Variants in MSRB3 observed in about 807,000 individuals in gnomAD.
MSRB3 encodes the protein methionine-R-sulfoxide reductase B3.
MSRB3 carries 13 observed loss-of-function variants against 21.0 expected under a neutral mutation model. The ratio of observed to expected loss-of-function variants is 0.62; its 90% CI spans 0.40 to 0.98. The LOEUF (loss-of-function observed/expected upper bound fraction) is 0.98, where lower values mean the gene tolerates loss of function less well. MSRB3 is among the 50% of genes least tolerant of loss of function. MSRB3 has a pLI of 0.00. For missense variants in MSRB3, 199 were observed against 230.3 expected, an observed-to-expected ratio of 0.86 and a Z score of 0.88; for synonymous variants, 87 against 88.6, an observed-to-expected ratio of 0.98 and a Z score of 0.10.
chr12:65,346,701 G>C (rs972703648), intron 4 of MSRB3, among the ~76,000 whole-genome samples: 3 of 152,108 alleles, frequency 2.0e-5, no homozygotes, highest in Non-Finnish European at 4.4e-5. Flanking sequence ...TTTTCTTCTA[G>C]GGTTTTTATG....
intron 2 of MSRB3, among the ~76,000 whole-genome samples, chr12:65,312,031 A>C (rs1279871683): frequency 6.6e-6 from 1 of 151,986 alleles, no homozygotes; most frequent in Non-Finnish European, 1.5e-5. Flanking sequence ...TTCTTACAAC[A>C]GTTTCCTTAA....
At position 65,463,328 on chromosome 12, in the gene MSRB3, T is replaced by C. The variant is rs1883419373; in HGVS notation, c.*6T>C. 1 of 1,614,120 alleles carries C rather than the reference T, an allele frequency of 6.2e-7. No individual in the cohort carries two copies. Among genetic ancestry groups the C allele is most frequent in the Non-Finnish European group, 8.5e-7 (1 of 1,180,010 alleles). On this transcript the variant is annotated 3_prime_UTR_variant, in exon 7 of 7. Coordinates refer to ENST00000308259, the MANE Select transcript of MSRB3 (RefSeq NM_001031679.3). Reference sequence around the variant, plus strand: ...CAGACAAAGCGGAGCTCTAGAGTAATGGAGAGTGATGGAAACAAAGTGTAC... The same window carrying C: ...CAGACAAAGCGGAGCTCTAGAGTAACGGAGAGTGATGGAAACAAAGTGTAC...
Position 65,465,054 on chromosome 12 carries a change from C to T in MSRB3, c.*1732C>T, listed in dbSNP as rs1390834896. 1 of 152,118 alleles carries T rather than the reference C, an allele frequency of 6.6e-6. No homozygotes were observed. Among genetic ancestry groups the T allele is most frequent in the Non-Finnish European group, 1.5e-5 (1 of 68,032 alleles). 9.4% of individuals were successfully genotyped at this position (152,118 alleles called of 1,614,324 possible). A position where few individuals can be genotyped will look rare whatever the true frequency, so the allele number is the denominator to read the frequency against. On this transcript the variant is annotated 3_prime_UTR_variant, in exon 7 of 7. Transcript: ENST00000308259. ...GTTCTAATTGCCTCAAAGGCCAAAG[C>T]CCAGGCATTTGAAATGGAAAGAAGC...
At chr12:65,454,472 T>C (rs1369516798) in intron 6 of MSRB3, among the ~76,000 whole-genome samples, 1 of 152,194 alleles carries the variant, frequency 6.6e-6, no homozygotes, top group Non-Finnish European at 1.5e-5. Context: ...AATAACCTGA[T>C]ATTTTGATAA....
chr12:65,453,270 A>T (rs1041382882), intron 5 of MSRB3, among the ~76,000 whole-genome samples: 1 of 152,320 alleles, frequency 6.6e-6, no homozygotes, highest in East Asian at 1.9e-4. Context: ...TAACTATCCA[A>T]ACTAGGTACT....
At position 65,294,062 on chromosome 12, in the gene MSRB3, G is replaced by A. The variant is rs776923623; in HGVS notation, c.-51-14467G>A. Among the ~76,000 whole-genome samples, 17 of 152,174 alleles carry A rather than the reference G, an allele frequency of 1.1e-4. 1 individual carries two copies. The highest frequency in any genetic ancestry group is 1.9e-4 in the Non-Finnish European group (13 of 68,030). ...TTTTTTCTGATTGGAGTGCTATCCA[G>A]GAATTCCAGGCAGTGCCCCCAGTAT... On this transcript the variant is annotated intron_variant, in intron 1 of 6. Transcript: ENST00000308259.
At chr12:65,402,111 G>A (rs1880159847) in intron 5 of MSRB3, among the ~76,000 whole-genome samples, 1 of 152,126 alleles carries the variant, frequency 6.6e-6, no homozygotes, top group Non-Finnish European at 1.5e-5. Flanking sequence ...TTCTCAAGGA[G>A]TATCTTTGTG....
chr12:65,358,570 T>C (rs899555805), intron 4 of MSRB3, among the ~76,000 whole-genome samples: 1 of 151,936 alleles, frequency 6.6e-6, no homozygotes, highest in Non-Finnish European at 1.5e-5. Context: ...TGTTTTTGAG[T>C]GCCTCTTACT....
chr12:65,313,790 G>A (rs538091198), intron 2 of MSRB3, among the ~76,000 whole-genome samples: 1 of 152,002 alleles, frequency 6.6e-6, no homozygotes, highest in Non-Finnish European at 1.5e-5. Context: ...ATATTAAAAT[G>A]CCGAGGAGAG....
chr12:65,375,141 G>A (rs1463239611), intron 5 of MSRB3, among the ~76,000 whole-genome samples: 6 of 151,732 alleles, frequency 4.0e-5, no homozygotes, highest in East Asian at 3.9e-4. Context: ...CACCGCGCCC[G>A]GCCTATATCA....
intron 2 of MSRB3, among the ~76,000 whole-genome samples, chr12:65,318,129 G>T (rs1221725328): frequency 6.6e-6 from 1 of 151,998 alleles, no homozygotes. Context: ...GATTTTTCTG[G>T]AATATATAGA....
At chr12:65,318,930 G>A (rs1031563748) in intron 2 of MSRB3, among the ~76,000 whole-genome samples, 4 of 152,082 alleles carry the variant, frequency 2.6e-5, no homozygotes, top group African/African-American at 9.7e-5. Flanking sequence ...AGATAGAAAA[G>A]TAAAATGTGG....
At chr12:65,428,083 G>A (rs1212641460) in intron 5 of MSRB3, among the ~76,000 whole-genome samples, 1 of 152,152 alleles carries the variant, frequency 6.6e-6, no homozygotes, top group Non-Finnish European at 1.5e-5. Context: ...GGGTTGGTGA[G>A]GTGTGTGTAG....
At chr12:65,326,516 G>A (rs912216326) in intron 2 of MSRB3, among the ~76,000 whole-genome samples, 1 of 151,924 alleles carries the variant, frequency 6.6e-6, no homozygotes, top group African/African-American at 2.4e-5. Context: ...GAAAAAAAAA[G>A]GGTTTCAGGA....
chr12:65,436,107 G>T (rs1275580859), intron 5 of MSRB3, among the ~76,000 whole-genome samples: 1 of 151,622 alleles, frequency 6.6e-6, no homozygotes, highest in African/African-American at 2.4e-5. Context: ...CTTAACCTGG[G>T]GTCCTTGAAT....
intron 5 of MSRB3, among the ~76,000 whole-genome samples, chr12:65,437,554 G>A (rs1008649993): frequency 2.6e-5 from 4 of 151,714 alleles, no homozygotes; most frequent in African/African-American, 9.7e-5. Flanking sequence ...AGTGAGTCCT[G>A]CAGTGAGACA....
chr12:65,325,692 C>G (rs773113994), intron 2 of MSRB3, among the ~76,000 whole-genome samples: 10 of 152,102 alleles, frequency 6.6e-5, no homozygotes, highest in Non-Finnish European at 1.3e-4. Context: ...AAAGAAGTTG[C>G]GTTTAGTATT....
intron 4 of MSRB3, among the ~76,000 whole-genome samples, chr12:65,364,943 T>A (rs1200446588): frequency 2.6e-5 from 4 of 152,230 alleles, no homozygotes; most frequent in South Asian, 2.1e-4. Flanking sequence ...CAGATTTTTT[T>A]AAATTGATAC....
intron 4 of MSRB3, among the ~76,000 whole-genome samples, chr12:65,358,574 T>C (rs1397710377): frequency 6.6e-6 from 1 of 151,922 alleles, no homozygotes; most frequent in Non-Finnish European, 1.5e-5. Context: ...TTTGAGTGCC[T>C]CTTACTTTTT....
Sources: allele counts gnomAD v4.1 joint callset (sites outside exome capture counted in the v4.1 genomes callset), GRCh38; gene constraint gnomAD v4.1.1; transcripts MANE v1.5; gene names NCBI Gene and HGNC (gene_info 2026-07-23, HGNC 2026-07-21).